The following DOCK9 variants were observed in gnomAD, a reference collection of about 807,000 sequenced individuals.
The protein encoded by DOCK9 is dedicator of cytokinesis protein 9.
DOCK9 carries 89 observed loss-of-function variants against 263.3 expected under a neutral mutation model. The observed-to-expected ratio is 0.34, with a 90% CI of 0.28 to 0.40. The LOEUF (loss-of-function observed/expected upper bound fraction) is 0.40, where lower values mean the gene tolerates loss of function less well. Ranked by LOEUF, DOCK9 falls within the 10% of genes least tolerant of loss-of-function variation. The probability of loss-of-function intolerance (pLI) is 1.00; values close to 1 mark genes in which losing one functional copy is unlikely to be tolerated. For synonymous variants in DOCK9, 976 were observed against 973.1 expected (o/e 1.00, Z -0.06); for missense variants, 2,140 against 2,603.4 (o/e 0.82, Z 3.87).
At chr13:99,086,999 C>G (rs1250239576), upstream of DOCK9, among the ~76,000 whole-genome samples, 3 of 152,124 alleles carry the variant, frequency 2.0e-5, no homozygotes, top group Non-Finnish European at 4.4e-5. Context: ...CGGCTGCGCT[C>G]GAGGGGACCC....
chr13:98,867,160 T>C (rs1179128594), intron 30 of DOCK9: 10 of 525,810 alleles, frequency 1.9e-5, no homozygotes, highest in Non-Finnish European at 2.4e-5. Context: ...CTATAGCAAC[T>C]GAAATAGATT....
intron 2 of DOCK9, among the ~76,000 whole-genome samples, chr13:98,942,214 GGTTAT>G: frequency 6.7e-6 from 1 of 149,040 alleles, no homozygotes; most frequent in Non-Finnish European, 1.5e-5. Flanking sequence ...ATGTGTCTCT[GGTTAT>G]GTTTTTTTTT....
intron 1 of DOCK9, among the ~76,000 whole-genome samples, chr13:98,991,723 G>T (rs1327403858): frequency 1.3e-5 from 2 of 151,502 alleles, no homozygotes; most frequent in East Asian, 3.8e-4. Flanking sequence ...ATTTTTAGTG[G>T]AAAGTGTTGG....
chr13:99,050,677 A>G (rs2040650506), intron 1 of DOCK9, among the ~76,000 whole-genome samples: 4 of 152,192 alleles, frequency 2.6e-5, no homozygotes, highest in Admixed American at 2.6e-4. Context: ...GCGACATGCG[A>G]GACTCCGTCT....
intron 45 of DOCK9, among the ~76,000 whole-genome samples, chr13:98,813,316 GT>G (rs1201772432): frequency 2.6e-5 from 4 of 152,182 alleles, no homozygotes; most frequent in African/African-American, 9.7e-5. Flanking sequence ...AAAGCATTCA[GT>G]CTTTCACAAT....
At position 98,921,023 on chromosome 13, in the gene DOCK9, A is replaced by G. The variant is rs1253102177; in HGVS notation, c.648T>C (p.Tyr216=). The G allele has an allele frequency of 6.2e-7, 1 of 1,603,186 alleles. No individual in the cohort carries two copies. Among genetic ancestry groups the G allele is most frequent in the South Asian group, 1.1e-5 (1 of 89,042 alleles). Residue 216 remains tyrosine (Y), a synonymous_variant, in exon 7 of 53, where the codon TAT becomes TAC. Coordinates refer to ENST00000682017, the MANE Select transcript of DOCK9 (RefSeq NM_001366683.2). ...GTTCTTTGGAGATCTTTTCATCTTT[A>G]TAAAAATTCAAATTATAGGATCCAT... ...LGDGSYNLNF[Y]KDEKISKEPK... is the part of the protein sequence containing the mutation.
chr13:99,056,712 G>A (rs908912249), intron 1 of DOCK9, among the ~76,000 whole-genome samples: 2 of 152,118 alleles, frequency 1.3e-5, no homozygotes, highest in African/African-American at 4.8e-5. Context: ...CCCTTTCCCT[G>A]TAACGTGTTG....
At chr13:98,922,857 C>A (rs1287710561) in intron 5 of DOCK9, among the ~76,000 whole-genome samples, 1 of 152,198 alleles carries the variant, frequency 6.6e-6, no homozygotes, top group Non-Finnish European at 1.5e-5. Context: ...TTATATAGTT[C>A]TTTAGCCATG....
At chr13:98,855,097 A>C (rs2093672771) in intron 34 of DOCK9, among the ~76,000 whole-genome samples, 1 of 152,216 alleles carries the variant, frequency 6.6e-6, no homozygotes, top group Non-Finnish European at 1.5e-5. Context: ...AGCACTTAGT[A>C]GTTTCAAGAA....
chr13:98,846,551 G>T (rs2093398623), intron 37 of DOCK9: 1 of 1,351,952 alleles, frequency 7.4e-7, no homozygotes, highest in African/African-American at 1.5e-5. Flanking sequence ...CACACACTTT[G>T]TTAAACTTGT....
At chr13:98,860,625 G>T in intron 32 of DOCK9, 103 bp from the exon 33 acceptor site, 1 of 1,071,692 alleles carries the variant, frequency 9.3e-7, no homozygotes, top group Non-Finnish European at 1.3e-6. Context: ...ACAGCCTGAT[G>T]CATTCAACGT....
chr13:98,983,270 T>C (rs1263944914), intron 1 of DOCK9, among the ~76,000 whole-genome samples: 1 of 152,036 alleles, frequency 6.6e-6, no homozygotes, highest in Non-Finnish European at 1.5e-5. Flanking sequence ...AGAAAACAAA[T>C]GACTAAAGAT....
chr13:98,927,656 T>C (rs1447556932), intron 3 of DOCK9, among the ~76,000 whole-genome samples: 1 of 151,964 alleles, frequency 6.6e-6, no homozygotes, highest in Non-Finnish European at 1.5e-5. Flanking sequence ...AATCTTGCTC[T>C]GTTACCCAGG....
intron 1 of DOCK9, among the ~76,000 whole-genome samples, chr13:98,973,205 G>T (rs1030006742): frequency 1.3e-5 from 2 of 152,152 alleles, no homozygotes; most frequent in African/African-American, 4.8e-5. Context: ...GGGCAGAAAG[G>T]CTATTGTCTA....
intron 1 of DOCK9, chr13:99,015,312 G>A: frequency 1.5e-6 from 1 of 661,268 alleles, no homozygotes; most frequent in Non-Finnish European, 2.2e-6. Flanking sequence ...TAAACTTAAG[G>A]CCACTAATTA....
intron 27 of DOCK9, among the ~76,000 whole-genome samples, chr13:98,871,384 C>A (rs1370708475): frequency 1.3e-5 from 2 of 152,174 alleles, no homozygotes; most frequent in Admixed American, 6.5e-5. Context: ...AATTTACATA[C>A]CAACCCATCA....
chr13:99,056,432 A>G (rs1365220905), intron 1 of DOCK9, among the ~76,000 whole-genome samples: 1 of 152,244 alleles, frequency 6.6e-6, no homozygotes, highest in Non-Finnish European at 1.5e-5. Context: ...AAGATACATT[A>G]ATATCTTTAA....
intron 1 of DOCK9, among the ~76,000 whole-genome samples, chr13:99,071,274 C>G (rs1451336072): frequency 1.4e-5 from 2 of 142,038 alleles, no homozygotes; most frequent in African/African-American, 5.3e-5. Flanking sequence ...TTCCAAGTAG[C>G]TGGAACTACA....
At chr13:98,810,354 G>T in intron 45 of DOCK9, 63 bp from the exon 46 acceptor site, 1 of 1,592,420 alleles carries the variant, frequency 6.3e-7, no homozygotes. Context: ...CATGGCACCC[G>T]TTGCAGAATG....
Sources: gnomAD v4.1 joint callset for allele counts (sites outside exome capture counted in the v4.1 genomes callset) on GRCh38, gnomAD v4.1.1 for gene constraint, MANE v1.5 for transcripts, NCBI Gene and HGNC (gene_info 2026-07-23, HGNC 2026-07-21) for gene names.